DHX15: variants seen among roughly 807,000 people sequenced by gnomAD.
DHX15 encodes ATP-dependent RNA helicase DHX15.
In DHX15, 11 loss-of-function variants were observed where a neutral mutation model predicts 94.4. That is an observed-to-expected ratio of 0.12 (90% CI 0.07 to 0.19). The LOEUF (loss-of-function observed/expected upper bound fraction) is 0.19, where lower values mean the gene tolerates loss of function less well. Among genes scored for constraint, DHX15 ranks in the 10% least tolerant of loss-of-function variants. The pLI, the probability that DHX15 is intolerant of heterozygous loss-of-function variation, is 1.00. For missense variants in DHX15, 304 were observed against 988.5 expected (o/e 0.31, Z 9.29); for synonymous variants, 338 against 329.9 (o/e 1.02, Z -0.27).
intron 2 of DHX15, among the ~76,000 whole-genome samples, chr4:24,574,735 T>G (rs1327310048): frequency 1.3e-5 from 2 of 152,190 alleles, no homozygotes; most frequent in Admixed American, 1.3e-4. Context: ...AATATCTTCC[T>G]GCAGGGTTAT....
intron 6 of DHX15, among the ~76,000 whole-genome samples, chr4:24,546,576 A>G (rs1322444965): frequency 6.6e-6 from 1 of 152,210 alleles, no homozygotes; most frequent in Admixed American, 6.5e-5. Flanking sequence ...AAGAGGTAAA[A>G]ATATTTACCC....
chr4:24,560,512 G>T (rs894630789), intron 3 of DHX15, among the ~76,000 whole-genome samples: 1 of 152,140 alleles, frequency 6.6e-6, no homozygotes, highest in African/African-American at 2.4e-5. Flanking sequence ...TATGTAGCAT[G>T]AAGTGTCATA....
intron 7 of DHX15, 139 bp downstream of exon 7, chr4:24,542,800 AG>A (rs1721343289): frequency 3.5e-6 from 2 of 570,920 alleles, no homozygotes; most frequent in African/African-American, 1.9e-5. Flanking sequence ...CAAAACATAA[AG>A]GGTTCATACA....
chr4:24,571,766 G>C (rs964174929), intron 2 of DHX15, among the ~76,000 whole-genome samples: 1 of 152,114 alleles, frequency 6.6e-6, no homozygotes, highest in African/African-American at 2.4e-5. Context: ...AAGGAATATT[G>C]GTGGCTGCAC....
chr4:24,544,435 G>A (rs1468179988), intron 6 of DHX15, among the ~76,000 whole-genome samples: 2 of 152,166 alleles, frequency 1.3e-5, no homozygotes, highest in Non-Finnish European at 2.9e-5. Flanking sequence ...CCTTTTGTCA[G>A]TTGAAAAGAC....
chr4:24,571,369 T>C (rs1722119793), intron 2 of DHX15, among the ~76,000 whole-genome samples: 3 of 152,192 alleles, frequency 2.0e-5, no homozygotes, highest in South Asian at 2.1e-4. Flanking sequence ...GTATGCACAA[T>C]GGTAGCACCT....
chr4:24,555,033 C>A (rs2109407081), intron 4 of DHX15, 90 bp from the exon 5 acceptor site: 1 of 948,754 alleles, frequency 1.1e-6, no homozygotes, highest in South Asian at 1.9e-5. Context: ...CTACATATAT[C>A]AGCTATAAAA....
intron 3 of DHX15, among the ~76,000 whole-genome samples, chr4:24,565,059 T>C (rs760113810): frequency 2.6e-5 from 4 of 152,228 alleles, no homozygotes; most frequent in African/African-American, 7.2e-5. Flanking sequence ...AAAAATATAT[T>C]GCCTATTCCT....
rs1476591478 is a variant in DHX15 at position 24,581,469 on chromosome 4, G to C, written c.71+2854C>G. On this transcript the variant is annotated intron_variant, in intron 1 of 13. Coordinates refer to ENST00000336812, the MANE Select transcript of DHX15 (RefSeq NM_001358.3). Reference sequence around the variant, plus strand: ...GTTCATATTTTTGAGTCAATATGCAGAGATCTTAGAAAATGTTCACCAAAA... The same window carrying C: ...GTTCATATTTTTGAGTCAATATGCACAGATCTTAGAAAATGTTCACCAAAA... 6.6e-5 allele frequency among the ~76,000 whole-genome samples: 10 copies of C among 152,210 alleles called. No individual in the cohort carries two copies. The East Asian group carries it at 1.9e-3, about 29-fold the overall frequency.
chr4:24,579,172 C>T (rs2109012960), intron 1 of DHX15, among the ~76,000 whole-genome samples: 1 of 152,280 alleles, frequency 6.6e-6, no homozygotes, highest in Admixed American at 6.5e-5. Context: ...AAGACACTGC[C>T]TCAATTTACT....
chr4:24,548,490 C>T (rs116512511), intron 6 of DHX15, among the ~76,000 whole-genome samples: 33 of 152,312 alleles, frequency 2.2e-4, no homozygotes, highest in South Asian at 1.0e-3. Flanking sequence ...CAACATTTCA[C>T]ACCTATAGAC....
chr4:24,580,493 A>G (rs917175236), intron 1 of DHX15, among the ~76,000 whole-genome samples: 14 of 150,604 alleles, frequency 9.3e-5, no homozygotes, highest in African/African-American at 3.4e-4. Flanking sequence ...AAATCATGAT[A>G]TTTTAAATAA....
intron 3 of DHX15, among the ~76,000 whole-genome samples, chr4:24,558,182 G>A (rs925493737): frequency 1.3e-5 from 2 of 152,102 alleles, no homozygotes; most frequent in Admixed American, 6.5e-5. Flanking sequence ...CACATTATTT[G>A]AGGTGAAAAT....
At chr4:24,545,367 G>A (rs1721401112) in intron 6 of DHX15, among the ~76,000 whole-genome samples, 1 of 152,104 alleles carries the variant, frequency 6.6e-6, no homozygotes, top group Non-Finnish European at 1.5e-5. Flanking sequence ...TTCATCCTGT[G>A]TGTATGTTTT....
chr4:24,547,877 C>CTA (rs1721460571), intron 6 of DHX15, among the ~76,000 whole-genome samples: 7 of 85,744 alleles, frequency 8.2e-5, no homozygotes, highest in East Asian at 2.9e-4. Context: ...CTCTCTCTCT[C>CTA]TCTCTCTCTC....
intron 5 of DHX15, among the ~76,000 whole-genome samples, chr4:24,553,214 G>C (rs1029049730): frequency 6.6e-6 from 1 of 152,106 alleles, no homozygotes; most frequent in Non-Finnish European, 1.5e-5. Flanking sequence ...CCAGCTACTC[G>C]GAAGGCTGAG....
At chr4:24,560,044 T>C (rs1721832164) in intron 3 of DHX15, among the ~76,000 whole-genome samples, 1 of 152,128 alleles carries the variant, frequency 6.6e-6, no homozygotes, top group Admixed American at 6.6e-5. Context: ...AGTATCAACC[T>C]AGCTTAAGTA....
At chr4:24,568,374 ATTAC>A (rs770471257) in intron 3 of DHX15, among the ~76,000 whole-genome samples, 12 of 152,230 alleles carry the variant, frequency 7.9e-5, no homozygotes, top group Non-Finnish European at 1.2e-4. Flanking sequence ...CTTTACTTAT[ATTAC>A]TTAAAGGCAA....
chr4:24,549,923 G>A (rs111452204), intron 5 of DHX15, among the ~76,000 whole-genome samples: 8,093 of 151,444 alleles, frequency 0.053, 333 homozygotes, highest in African/African-American at 0.11. Context: ...GAGAAACCCC[G>A]TCTCTACTAA....
Sources: gnomAD v4.1 joint callset for allele counts (sites outside exome capture counted in the v4.1 genomes callset) on GRCh38, gnomAD v4.1.1 for gene constraint, MANE v1.5 for transcripts, NCBI Gene and HGNC (gene_info 2026-07-23, HGNC 2026-07-21) for gene names.